ANKRD44: variants seen among roughly 807,000 people sequenced by gnomAD.
The protein encoded by ANKRD44 is ankyrin repeat domain 44.
A neutral mutation model predicts 116.0 loss-of-function variants in ANKRD44; 35 were observed. The observed-to-expected ratio is 0.30, with a 90% CI of 0.23 to 0.40. The LOEUF (loss-of-function observed/expected upper bound fraction) is 0.40, where lower values mean the gene tolerates loss of function less well. Among genes scored for constraint, ANKRD44 ranks in the 10% least tolerant of loss-of-function variants. The probability of loss-of-function intolerance (pLI) is 1.00; values close to 1 mark genes in which losing one functional copy is unlikely to be tolerated. For missense variants in ANKRD44, 1,014 were observed against 1,242.6 expected (o/e 0.82, Z 2.77); for synonymous variants, 435 against 461.8 (o/e 0.94, Z 0.74).
intron 9 of ANKRD44, among the ~76,000 whole-genome samples, chr2:197,106,388 T>C (rs943251019): frequency 2.0e-5 from 3 of 152,008 alleles, no homozygotes; most frequent in African/African-American, 7.2e-5. Flanking sequence ...GAGATAGCAG[T>C]GAGCCGAGAT....
intron 1 of ANKRD44, among the ~76,000 whole-genome samples, chr2:197,274,976 C>T (rs2083031500): frequency 6.6e-6 from 1 of 151,992 alleles, no homozygotes; most frequent in African/African-American, 2.4e-5. Flanking sequence ...GTGGCATGCA[C>T]CTGTAGTCCC....
At chr2:197,228,702 C>CCA (rs1455952112) in intron 1 of ANKRD44, among the ~76,000 whole-genome samples, 4 of 152,166 alleles carry the variant, frequency 2.6e-5, no homozygotes, top group Non-Finnish European at 5.9e-5. Flanking sequence ...TTATCAGACA[C>CCA]CACAGGCAAA....
chr2:197,041,378 C>A (rs2076908552), intron 16 of ANKRD44, among the ~76,000 whole-genome samples: 1 of 152,144 alleles, frequency 6.6e-6, no homozygotes, highest in African/African-American at 2.4e-5. Context: ...CCTGCAGTAG[C>A]CAGTAACACA....
intron 2 of ANKRD44, among the ~76,000 whole-genome samples, chr2:197,170,935 CTG>C (rs1179255740): frequency 6.6e-6 from 1 of 152,120 alleles, no homozygotes; most frequent in East Asian, 1.9e-4. Context: ...GAGTGGCAAA[CTG>C]TGCAGGTAAA....
At chr2:197,008,142 T>C (rs907839165) in intron 19 of ANKRD44, among the ~76,000 whole-genome samples, 4 of 152,166 alleles carry the variant, frequency 2.6e-5, no homozygotes, top group Non-Finnish European at 4.4e-5. Context: ...GAATGATCCC[T>C]AGGGATGAGG....
At chr2:197,237,614 G>A in intron 1 of ANKRD44, among the ~76,000 whole-genome samples, 1 of 152,178 alleles carries the variant, frequency 6.6e-6, no homozygotes, top group Non-Finnish European at 1.5e-5. Context: ...CTAAATGACA[G>A]CTAATATACA....
intron 16 of ANKRD44, among the ~76,000 whole-genome samples, chr2:197,027,324 T>G (rs562864349): frequency 1.3e-5 from 2 of 152,250 alleles, no homozygotes; most frequent in East Asian, 3.9e-4. Flanking sequence ...ATTGTACCAC[T>G]GCATTCCAGC....
At chr2:197,128,157 T>C (rs1046243928) in intron 4 of ANKRD44, among the ~76,000 whole-genome samples, 13 of 152,162 alleles carry the variant, frequency 8.5e-5, no homozygotes, top group African/African-American at 3.1e-4. Flanking sequence ...AATAGAATGA[T>C]TTATAATTGG....
In ANKRD44 at chr2:196,986,886, C is replaced by A; in HGVS notation, c.*2705G>T. On this transcript the variant is annotated 3_prime_UTR_variant, in exon 28 of 28. Coordinates refer to ENST00000282272, the MANE Select transcript of ANKRD44 (RefSeq NM_001195144.2). ...GACATTTACCAGAGTCATTCAACTC[C>A]AATTTACATAAGAAAACATTATAGA... 1 of 985,324 alleles carries A rather than the reference C, an allele frequency of 1.0e-6. No homozygotes were observed. Among genetic ancestry groups the A allele is most frequent in the Non-Finnish European group, 1.2e-6 (1 of 829,854 alleles). The allele number at this position is 985,324 out of a possible 1,614,324, so 61.0% of individuals were successfully genotyped here.
chr2:197,277,242 G>T (rs371055843), intron 1 of ANKRD44, among the ~76,000 whole-genome samples: 3 of 152,030 alleles, frequency 2.0e-5, no homozygotes. Flanking sequence ...TCTCGGTTTG[G>T]TACCCACAAG....
chr2:197,109,172 T>C (rs558674235), intron 9 of ANKRD44, among the ~76,000 whole-genome samples: 3 of 152,364 alleles, frequency 2.0e-5, no homozygotes, highest in African/African-American at 7.2e-5. Flanking sequence ...TTTGTTTGTT[T>C]CTAAAAGTTT....
chr2:197,112,202 TA>T (rs1224961278), intron 8 of ANKRD44, among the ~76,000 whole-genome samples: 1 of 152,234 alleles, frequency 6.6e-6, no homozygotes, highest in African/African-American at 2.4e-5. Flanking sequence ...CACTTATTTT[TA>T]TAAGTCTCAG....
chr2:197,282,751 G>A (rs1037409452), intron 1 of ANKRD44, among the ~76,000 whole-genome samples: 19 of 152,180 alleles, frequency 1.2e-4, no homozygotes, highest in Non-Finnish European at 1.9e-4. Context: ...CTGAGGCCAG[G>A]AGTTCGGGAC....
intron 1 of ANKRD44, among the ~76,000 whole-genome samples, chr2:197,214,103 C>G (rs2081385119): frequency 6.6e-6 from 1 of 152,034 alleles, no homozygotes; most frequent in Non-Finnish European, 1.5e-5. Context: ...ATTCTTTACC[C>G]CCATAATTTT....
At chr2:196,972,040 G>A (rs751671045) in intron 21 of ANKRD44, among the ~76,000 whole-genome samples, 3 of 152,140 alleles carry the variant, frequency 2.0e-5, no homozygotes, top group Non-Finnish European at 2.9e-5. Context: ...TACAGACAGA[G>A]CTTGGTCATG....
At chr2:196,969,646 C>T (rs975174024) in intron 21 of ANKRD44, among the ~76,000 whole-genome samples, 2 of 152,150 alleles carry the variant, frequency 1.3e-5, no homozygotes, top group Non-Finnish European at 2.9e-5. Flanking sequence ...ATCTACATGG[C>T]TAATGGTAGA....
At chr2:197,010,800 G>T (rs80029273) in intron 18 of ANKRD44, among the ~76,000 whole-genome samples, 1 of 152,168 alleles carries the variant, frequency 6.6e-6, no homozygotes, top group Non-Finnish European at 1.5e-5. Context: ...GGGAATAGAC[G>T]CCGCTATGTG....
At chr2:196,997,774 G>A (rs865822245) in intron 25 of ANKRD44, among the ~76,000 whole-genome samples, 5 of 150,760 alleles carry the variant, frequency 3.3e-5, no homozygotes, top group African/African-American at 1.2e-4. Context: ...ATGGAAGAAG[G>A]AATCTTGAGC....
rs189430994 is a variant in ANKRD44, at chr2:197,243,329, C to G, written c.28-56223G>C. Among the ~76,000 whole-genome samples the G allele has an allele frequency of 1.8e-3, 280 of 152,020 alleles. 2 individuals carry two copies. Among genetic ancestry groups the G allele is most frequent in the African/African-American group, 6.2e-3 (257 of 41,472 alleles). ...TTAAAAAAATAAAATAAATAAAACC[C>G]TTAAAGAACCTAAGAAACAAGGAAT... On this transcript the variant is annotated intron_variant, in intron 1 of 27. Coordinates refer to ENST00000282272, the MANE Select transcript of ANKRD44 (RefSeq NM_001195144.2).
Sources: gnomAD v4.1 joint callset for allele counts (sites outside exome capture counted in the v4.1 genomes callset) on GRCh38, gnomAD v4.1.1 for gene constraint, MANE v1.5 for transcripts, NCBI Gene and HGNC (gene_info 2026-07-23, HGNC 2026-07-21) for gene names.